Variants in ATXN10 observed in about 807,000 individuals in gnomAD.
The protein encoded by ATXN10 is ataxin-10.
A neutral mutation model predicts 52.9 loss-of-function variants in ATXN10; 28 were observed. That is an observed-to-expected ratio of 0.53 (90% confidence interval 0.39 to 0.73). ATXN10 has a LOEUF of 0.73. Among genes scored for constraint, ATXN10 ranks in the 30% least tolerant of loss-of-function variants. The pLI is 0.00. For synonymous variants in ATXN10, 226 were observed against 221.5 expected, an observed-to-expected ratio of 1.02 and a Z score of -0.18; for missense variants, 565 against 577.0, an observed-to-expected ratio of 0.98 and a Z score of 0.21.
At chr22:45,809,038 A>G (rs1909206902) in intron 10 of ATXN10, among the ~76,000 whole-genome samples, 1 of 152,246 alleles carries the variant, frequency 6.6e-6, no homozygotes, top group Admixed American at 6.5e-5. Context: ...ATGTGGTAAG[A>G]TATGAGACAC....
rs1929339681 is a variant in ATXN10 at position 45,841,338 on chromosome 22, C to A, written c.1238-1653C>A. On this transcript the variant is annotated intron_variant, in intron 10 of 11. Coordinates refer to ENST00000252934, the MANE Select transcript of ATXN10 (RefSeq NM_013236.4). This position sits in a 1 kb window ranked among gnomAD's most constrained non-coding sequence, Gnocchi z 5.1. ...CTTTTCTCTGCCATCTGGAAAAGGT[C>A]AGTCATTTATACCCACCAGTGGTTT... 6.6e-6 allele frequency among the ~76,000 whole-genome samples: 1 copy of A among 152,226 alleles called. No individual in the cohort carries two copies. Among genetic ancestry groups the A allele is most frequent in the Non-Finnish European group, 1.5e-5 (1 of 68,040 alleles).
At chr22:45,777,347 T>A (rs1169902048) in intron 9 of ATXN10, among the ~76,000 whole-genome samples, 1 of 152,248 alleles carries the variant, frequency 6.6e-6, no homozygotes, top group Non-Finnish European at 1.5e-5. Flanking sequence ...GAATATTTCA[T>A]GTTTTAGTAT....
intron 5 of ATXN10, among the ~76,000 whole-genome samples, chr22:45,717,790 G>C (rs956797571): frequency 4.6e-5 from 7 of 152,122 alleles, no homozygotes; most frequent in Admixed American, 2.0e-4. Context: ...CTTTTCCTCA[G>C]ATGCCCTCTG....
intron 9 of ATXN10, among the ~76,000 whole-genome samples, chr22:45,765,135 A>G (rs1482968924): frequency 6.6e-6 from 1 of 152,180 alleles, no homozygotes; most frequent in East Asian, 1.9e-4. Context: ...TGGAAACACT[A>G]CCGGGAGCCA....
intron 9 of ATXN10, among the ~76,000 whole-genome samples, chr22:45,799,943 A>G (rs1242957722): frequency 6.6e-6 from 1 of 152,204 alleles, no homozygotes; most frequent in African/African-American, 2.4e-5. Flanking sequence ...GAATGATTTT[A>G]TATCCTTATG....
chr22:45,691,937 A>G (rs952152037), intron 2 of ATXN10, among the ~76,000 whole-genome samples: 1 of 151,986 alleles, frequency 6.6e-6, no homozygotes, highest in African/African-American at 2.4e-5. Flanking sequence ...AGCCTTACAC[A>G]CTGGTCTTGT....
At chr22:45,793,591 C>T (rs767506804) in intron 9 of ATXN10, 20 of 1,316,616 alleles carry the variant, frequency 1.5e-5, no homozygotes, top group East Asian at 2.8e-5. Flanking sequence ...GGAGCCTGCA[C>T]CTTCATTTTA....
Position 45,833,289 on chromosome 22 carries a change from T to G in ATXN10, c.1238-9702T>G, listed in dbSNP as rs11704985. Among the ~76,000 whole-genome samples the G allele has an allele frequency of 0.085, 12,858 of 151,830 alleles. 703 individuals carry two copies. The highest frequency in any genetic ancestry group is 0.16 in the Middle Eastern group (47 of 294). On this transcript the variant is annotated intron_variant, in intron 10 of 11. Coordinates refer to ENST00000252934, the MANE Select transcript of ATXN10 (RefSeq NM_013236.4). The surrounding 1 kb of genome is among the most constrained non-coding windows in gnomAD (Gnocchi z 4.3). The stretch of plus-strand genomic sequence containing the variant: ...GAGCTGCTGAAGGCGTCGGGGGAGG[T>G]GGGGTGAGGAGGCAGGTCAGGATGG...
intron 9 of ATXN10, among the ~76,000 whole-genome samples, chr22:45,743,052 G>T (rs1383987113): frequency 6.6e-6 from 1 of 152,184 alleles, no homozygotes; most frequent in Non-Finnish European, 1.5e-5. Flanking sequence ...CTGAAGTCAG[G>T]ATCAGATTGC....
intron 9 of ATXN10, among the ~76,000 whole-genome samples, chr22:45,788,555 G>C (rs889530155): frequency 6.6e-6 from 1 of 151,600 alleles, no homozygotes; most frequent in South Asian, 2.1e-4. Flanking sequence ...GGGCTTCTTC[G>C]TGCCGCTCTT....
chr22:45,814,994 G>C lies in ATXN10; in HGVS notation c.1237+7972G>C, dbSNP rs577627532. Among the ~76,000 whole-genome samples the C allele has an allele frequency of 5.9e-5, 9 of 152,256 alleles. No individual in the cohort carries two copies. In the South Asian group the frequency reaches 1.7e-3, roughly 28 times the overall value. The stretch of plus-strand genomic sequence containing the variant: ...ATTGTCTTCCATGAAACAAGTCCCT[G>C]GTGCCAAAAAGGTTGGGGACTGCTG... On this transcript the variant is annotated intron_variant, in intron 10 of 11. Coordinates refer to ENST00000252934, the MANE Select transcript of ATXN10 (RefSeq NM_013236.4).
rs9614506 is a variant in ATXN10 at position 45,700,063 on chromosome 22, T to C, written c.392-219T>C. Among the ~76,000 whole-genome samples, 8,154 of 152,040 alleles carry C rather than the reference T, an allele frequency of 0.054. 245 individuals are homozygous for C. The highest frequency in any genetic ancestry group is 0.079 in the African/African-American group (3,289 of 41,500). ...CTGGCCTCAAGTGATCCACCCGCCTTGGCCTCCCAAAGTGCTGGGATTACA... is the reference window on the plus strand; with the variant it reads ...CTGGCCTCAAGTGATCCACCCGCCTCGGCCTCCCAAAGTGCTGGGATTACA... On this transcript the variant is annotated intron_variant, in intron 3 of 11. Coordinates refer to ENST00000252934, the MANE Select transcript of ATXN10 (RefSeq NM_013236.4).
chr22:45,724,103 T>C (rs1042645409), intron 6 of ATXN10, among the ~76,000 whole-genome samples: 1 of 152,166 alleles, frequency 6.6e-6, no homozygotes, highest in Admixed American at 6.5e-5. Flanking sequence ...GGTACTTACA[T>C]TGGTTCTATA....
At chr22:45,745,950 T>C (rs1205891957) in intron 9 of ATXN10, among the ~76,000 whole-genome samples, 1 of 152,226 alleles carries the variant, frequency 6.6e-6, no homozygotes, top group Non-Finnish European at 1.5e-5. Context: ...TGAAAATTAA[T>C]GTTCCTTTAA....
At position 45,718,555 on chromosome 22, in the gene ATXN10, G is replaced by A. The variant is rs1280713676; in HGVS notation, c.728+62G>A. Reference sequence around the variant, plus strand: ...ATTCCATATAGGGTATTCGATGCACGTGACTGAAAAGCTGTGTGGTTTCTG... The same window carrying A: ...ATTCCATATAGGGTATTCGATGCACATGACTGAAAAGCTGTGTGGTTTCTG... On this transcript the variant is annotated intron_variant, in intron 6 of 11. Coordinates refer to ENST00000252934, the MANE Select transcript of ATXN10 (RefSeq NM_013236.4). This position sits in a 1 kb window ranked among gnomAD's most constrained non-coding sequence, Gnocchi z 4.4. 9.4e-6 allele frequency: 13 copies of A among 1,379,928 alleles called. No homozygotes were observed. Among genetic ancestry groups the A allele is most frequent in the South Asian group, 6.9e-5 (6 of 86,432 alleles). 85.5% of individuals were successfully genotyped at this position (1,379,928 alleles called of 1,614,324 possible). A position where few individuals can be genotyped will look rare whatever the true frequency, so the allele number is the denominator to read the frequency against.
Position 45,842,896 on chromosome 22 carries a change from G to T in ATXN10, c.1238-95G>T. 7.5e-7 allele frequency: 1 copy of T among 1,336,896 alleles called. No homozygotes were observed. The highest frequency in any genetic ancestry group is 1.7e-5 in the Admixed American group (1 of 58,038). 82.8% of individuals were successfully genotyped at this position (1,336,896 alleles called of 1,614,324 possible). A position where few individuals can be genotyped will look rare whatever the true frequency, so the allele number is the denominator to read the frequency against. On this transcript the variant is annotated intron_variant, in intron 10 of 11. Transcript: ENST00000252934. This position sits in a 1 kb window ranked among gnomAD's most constrained non-coding sequence, Gnocchi z 4.8. ...CTTGTGGATTGATACTGGATGTTCC[G>T]TGTTTCTGTGCTCCTCTACTCCTTT...
intron 1 of ATXN10, chr22:45,674,641 T>A (rs1463399505): frequency 6.6e-6 from 1 of 152,056 alleles, no homozygotes; most frequent in Non-Finnish European, 1.5e-5. Context: ...CACAGATGGA[T>A]CCAGGGGGAG....
chr22:45,819,390 G>T lies in ATXN10; in HGVS notation c.1237+12368G>T, dbSNP rs1928576310. The stretch of plus-strand genomic sequence containing the variant: ...TTTCCTTCAAATGCTGCCTCTGTGG[G>T]TAGGAAGCACACTCTGATTCCACTG... On this transcript the variant is annotated intron_variant, in intron 10 of 11. Coordinates refer to ENST00000252934, the MANE Select transcript of ATXN10 (RefSeq NM_013236.4). The surrounding 1 kb of genome is among the most constrained non-coding windows in gnomAD (Gnocchi z 4.5). Among the ~76,000 whole-genome samples, 1 of 152,186 alleles carries T rather than the reference G, an allele frequency of 6.6e-6. No individual in the cohort carries two copies.
intron 1 of ATXN10, chr22:45,676,846 C>G (rs757904779): frequency 1.3e-5 from 2 of 152,540 alleles, no homozygotes; most frequent in Non-Finnish European, 2.9e-5. Flanking sequence ...GTGGCACGAT[C>G]ATAGTTCACT....
Sources: allele counts gnomAD v4.1 joint callset (sites outside exome capture counted in the v4.1 genomes callset), GRCh38; gene constraint gnomAD v4.1.1; non-coding constraint Gnocchi (gnomAD v3.1); transcripts MANE v1.5; gene names NCBI Gene and HGNC (gene_info 2026-07-23, HGNC 2026-07-21).